The following NDRG4 variants were observed in gnomAD, a reference collection of about 807,000 sequenced individuals.
NDRG4 encodes protein NDRG4.
In NDRG4, 38 loss-of-function variants were observed where a neutral mutation model predicts 55.8. The ratio of observed to expected loss-of-function variants is 0.68; its 90% confidence interval spans 0.53 to 0.89. The LOEUF (loss-of-function observed/expected upper bound fraction) is 0.89. Among genes scored for constraint, NDRG4 ranks in the 40% least tolerant of loss-of-function variants. NDRG4 has a pLI of 0.00. For synonymous variants in NDRG4, 190 were observed against 182.7 expected (o/e 1.04, Z -0.32); for missense variants, 455 against 468.6 (o/e 0.97, Z 0.27).
intron 2 of NDRG4, among the ~76,000 whole-genome samples, chr16:58,489,166 A>C (rs1298427536): frequency 6.6e-6 from 1 of 151,982 alleles, no homozygotes; most frequent in Non-Finnish European, 1.5e-5. Context: ...CGGGCGTGGT[A>C]GTGGGCGCCT....
intron 1 of NDRG4, among the ~76,000 whole-genome samples, chr16:58,471,146 C>T (rs974446864): frequency 3.6e-5 from 5 of 140,784 alleles, no homozygotes; most frequent in African/African-American, 1.0e-4. Flanking sequence ...TGATTTTGAA[C>T]ATCTGACCTC....
In NDRG4 at chr16:58,513,002, TGTTA is replaced by T. The variant is rs1386585508; in HGVS notation, c.*1430_*1433del. The T allele has an allele frequency of 6.6e-6, 1 of 152,646 alleles. No homozygotes were observed. Among genetic ancestry groups the T allele is most frequent in the Admixed American group, 6.5e-5 (1 of 15,278 alleles). The allele number at this position is 152,646 out of a possible 1,614,324, so 9.5% of individuals were successfully genotyped here. On this transcript the variant is annotated 3_prime_UTR_variant, in exon 15 of 15. Transcript: ENST00000570248. ...TTAAGCCATGACTAGCCTGGTGGCGTGTTAGTTTCTGCCCAGTTCTACCCCCTCA... is the reference window on the plus strand; with the variant it reads ...TTAAGCCATGACTAGCCTGGTGGCGTGTTTCTGCCCAGTTCTACCCCCTCA...
intron 1 of NDRG4, among the ~76,000 whole-genome samples, chr16:58,484,221 A>C (rs2034804705): frequency 2.0e-5 from 3 of 152,070 alleles, no homozygotes; most frequent in Non-Finnish European, 4.4e-5. Flanking sequence ...AATACAAAAA[A>C]AATTAGCCAG....
At position 58,510,720 on chromosome 16, in the gene NDRG4, C is replaced by A. The variant is rs762541949; in HGVS notation, c.904+37C>A. 34 of 1,526,966 alleles carry A rather than the reference C, an allele frequency of 2.2e-5. 1 individual carries two copies. The Middle Eastern group carries it at 8.3e-4, about 37-fold the overall frequency. 94.6% of individuals were successfully genotyped at this position (1,526,966 alleles called of 1,614,324 possible). A position where few individuals can be genotyped will look rare whatever the true frequency, so the allele number is the denominator to read the frequency against. On this transcript the variant is annotated intron_variant, in intron 14 of 14. Transcript: ENST00000570248. Reference sequence around the variant, plus strand: ...GCCCTTCCCCTGATGCATGGACGCCCAGCCTCCTCCTCCCCCGCTCCTTCC... The same window carrying A: ...GCCCTTCCCCTGATGCATGGACGCCAAGCCTCCTCCTCCCCCGCTCCTTCC...
In NDRG4 at chr16:58,464,410, C is replaced by T. The variant is rs1232802957; in HGVS notation, c.-24+613C>T. 2.5e-5 allele frequency: 34 copies of T among 1,366,128 alleles called. No homozygotes were observed. The highest frequency in any genetic ancestry group is 3.1e-5 in the African/African-American group (2 of 65,524). 84.6% of individuals were successfully genotyped at this position (1,366,128 alleles called of 1,614,324 possible). The stretch of plus-strand genomic sequence containing the variant: ...CTGCCCCGACGCCGCCACCCAGAGC[C>T]GGGCCGCGCCGGGCGCCGAGATGAA... On this transcript the variant is annotated intron_variant, in intron 1 of 15. Coordinates refer to the NDRG4 transcript ENST00000258187. This position sits in a 1 kb window ranked among gnomAD's most constrained non-coding sequence, Gnocchi z 4.8.
upstream of NDRG4, among the ~76,000 whole-genome samples, chr16:58,497,304 A>G (rs2036519876): frequency 6.6e-6 from 1 of 152,178 alleles, no homozygotes; most frequent in African/African-American, 2.4e-5. Flanking sequence ...CCTGGGCAAC[A>G]GAGCAAGACC....
chr16:58,494,527 G>T (rs1169484752), intron 2 of NDRG4, among the ~76,000 whole-genome samples: 1 of 152,118 alleles, frequency 6.6e-6, no homozygotes, highest in Non-Finnish European at 1.5e-5. Flanking sequence ...CTAGCCCTGT[G>T]ACAGCCTCTC....
chr16:58,502,180 C>T lies in NDRG4; in HGVS notation c.22-1618C>T, dbSNP rs1227736565. Reference sequence around the variant, plus strand: ...ATTTCCCTTTCCTAGCCTCAATTTCCTCCTCTATGGCTTGGGCCTATGTGG... The same window carrying T: ...ATTTCCCTTTCCTAGCCTCAATTTCTTCCTCTATGGCTTGGGCCTATGTGG... On this transcript the variant is annotated intron_variant, in intron 1 of 14. Coordinates refer to ENST00000570248, the MANE Select transcript of NDRG4 (RefSeq NM_001242835.2). 7.9e-6 allele frequency: 3 copies of T among 380,624 alleles called. No individual in the cohort carries two copies. The East Asian group carries it at 2.3e-4, about 29-fold the overall frequency. 23.6% of individuals were successfully genotyped at this position (380,624 alleles called of 1,614,324 possible).
chr16:58,477,683 A>G (rs1346470772), intron 1 of NDRG4, among the ~76,000 whole-genome samples: 2 of 99,692 alleles, frequency 2.0e-5, no homozygotes. Flanking sequence ...CCTCAGCAGG[A>G]AAAAAAAAAA....
At chr16:58,515,266 G>A (rs2039075461), downstream of NDRG4, among the ~76,000 whole-genome samples, 1 of 152,174 alleles carries the variant, frequency 6.6e-6, no homozygotes, top group Admixed American at 6.5e-5. Flanking sequence ...CAGCCCTCGG[G>A]GACAGACCGA....
At chr16:58,484,922 C>T (rs892575692) in intron 1 of NDRG4, among the ~76,000 whole-genome samples, 1 of 149,886 alleles carries the variant, frequency 6.7e-6, no homozygotes, top group Admixed American at 6.6e-5. Flanking sequence ...TCGCTTTGTC[C>T]CCAGGCTGGA....
At chr16:58,469,585 A>C (rs941241570) in intron 1 of NDRG4, among the ~76,000 whole-genome samples, 14 of 152,206 alleles carry the variant, frequency 9.2e-5, no homozygotes, top group South Asian at 4.1e-4. Context: ...AGCAAAAAAA[A>C]CCCAAAAAAC....
rs1171971322 is a variant in NDRG4, at chr16:58,464,433, GA to G, written c.-24+638del. 2 of 1,366,356 alleles carry G rather than the reference GA, an allele frequency of 1.5e-6. No individual in the cohort carries two copies. The highest frequency in any genetic ancestry group is 3.8e-5 in the Admixed American group (1 of 26,506). 84.6% of individuals were successfully genotyped at this position (1,366,356 alleles called of 1,614,324 possible). A position where few individuals can be genotyped will look rare whatever the true frequency, so the allele number is the denominator to read the frequency against. ...GCCGGGCCGCGCCGGGCGCCGAGAT[GA>G]AGGTGCTGGGACACCGGCTGGAGCT... is the stretch of plus-strand genomic sequence containing the variant. On this transcript the variant is annotated intron_variant, in intron 1 of 15. Transcript: ENST00000258187. This position sits in a 1 kb window ranked among gnomAD's most constrained non-coding sequence, Gnocchi z 4.8.
chr16:58,485,991 G>A (rs1294973125), intron 1 of NDRG4, among the ~76,000 whole-genome samples: 4 of 152,154 alleles, frequency 2.6e-5, no homozygotes, highest in Non-Finnish European at 4.4e-5. Flanking sequence ...GGATTGCTGA[G>A]TCTGAGAGTA....
intron 1 of NDRG4, among the ~76,000 whole-genome samples, chr16:58,487,484 C>A (rs2035230026): frequency 6.6e-6 from 1 of 152,122 alleles, no homozygotes; most frequent in Non-Finnish European, 1.5e-5. Context: ...TACGCCACTG[C>A]ACTCCAGCCT....
At chr16:58,479,423 T>G (rs541265241) in intron 1 of NDRG4, among the ~76,000 whole-genome samples, 27 of 152,352 alleles carry the variant, frequency 1.8e-4, no homozygotes, top group African/African-American at 6.5e-4. Flanking sequence ...AGCACCCTTG[T>G]GTACTGCCTC....
intron 13 of NDRG4, 70 bp downstream of exon 13, chr16:58,509,422 C>T: frequency 1.3e-6 from 2 of 1,550,198 alleles, no homozygotes; most frequent in Non-Finnish European, 8.8e-7. Context: ...GGTTGGGGCT[C>T]CTGTTTGCAG....
intron 1 of NDRG4, chr16:58,502,268 G>A (rs1028147678): frequency 1.2e-5 from 4 of 337,390 alleles, no homozygotes; most frequent in Non-Finnish European, 2.4e-5. Context: ...GGATTTGATG[G>A]GCCCCGAGAA....
rs2038815067 is a variant in NDRG4, at chr16:58,511,599, G to GCCCACGTCGAGGC, written c.*29_*41dup. On this transcript the variant is annotated 3_prime_UTR_variant, in exon 15 of 15. Coordinates refer to ENST00000570248, the MANE Select transcript of NDRG4 (RefSeq NM_001242835.2). Reference sequence around the variant, plus strand: ...TGAAGCCCTTGATCCCGCTGACGACGCCCACGTCGAGGCCCCACCGCCATC... The same window carrying GCCCACGTCGAGGC: ...TGAAGCCCTTGATCCCGCTGACGACGCCCACGTCGAGGCCCCACGTCGAGGCCCCACCGCCATC... 1 of 1,612,806 alleles carries GCCCACGTCGAGGC rather than the reference G, an allele frequency of 6.2e-7. No homozygotes were observed. Among genetic ancestry groups the GCCCACGTCGAGGC allele is most frequent in the African/African-American group, 1.3e-5 (1 of 74,894 alleles).
Sources: allele counts gnomAD v4.1 joint callset (sites outside exome capture counted in the v4.1 genomes callset), GRCh38; gene constraint gnomAD v4.1.1; non-coding constraint Gnocchi (gnomAD v3.1); transcripts MANE v1.5; gene names NCBI Gene and HGNC (gene_info 2026-07-23, HGNC 2026-07-21).